Variants in MYT1L observed in about 807,000 individuals in gnomAD.
MYT1L encodes myelin transcription factor 1 like, also known as myelin transcription factor 1-like protein.
In MYT1L, 12 loss-of-function variants were observed where a neutral mutation model predicts 126.7. That is an observed-to-expected ratio of 0.09 (90% CI 0.06 to 0.15). The LOEUF (loss-of-function observed/expected upper bound fraction) is 0.15, where lower values mean the gene tolerates loss of function less well. MYT1L is among the 10% of genes least tolerant of loss of function. The pLI, the probability that MYT1L is intolerant of heterozygous loss-of-function variation, is 1.00. For missense variants in MYT1L, 979 were observed against 1,585.2 expected (o/e 0.62, Z 6.49); for synonymous variants, 541 against 604.2 (o/e 0.90, Z 1.53).
chr2:1,962,009 T>C (rs1222347599), intron 8 of MYT1L, among the ~76,000 whole-genome samples: 1 of 152,250 alleles, frequency 6.6e-6, no homozygotes, highest in Non-Finnish European at 1.5e-5. Flanking sequence ...ATATCCCAAG[T>C]ACACTGACTT....
intron 2 of MYT1L, among the ~76,000 whole-genome samples, chr2:2,272,689 C>T (rs1479884518): frequency 6.6e-6 from 1 of 152,208 alleles, no homozygotes; most frequent in Non-Finnish European, 1.5e-5. Context: ...AGATGAAAAG[C>T]AGGCGTCTTG....
chr2:1,977,947 A>C (rs561028217), intron 8 of MYT1L, among the ~76,000 whole-genome samples: 1 of 152,340 alleles, frequency 6.6e-6, no homozygotes, highest in Admixed American at 6.5e-5. Flanking sequence ...ATACAATAAC[A>C]ATCATAATGT....
At chr2:2,189,170 G>A (rs552029109) in intron 2 of MYT1L, among the ~76,000 whole-genome samples, 1 of 152,294 alleles carries the variant, frequency 6.6e-6, no homozygotes, top group African/African-American at 2.4e-5. Flanking sequence ...TGCGTTTGGG[G>A]CTTCCAAAAC....
chr2:2,140,432 C>CTTTTTTTTTTTTTTTTT (rs35297300), intron 3 of MYT1L, among the ~76,000 whole-genome samples: 1 of 112,972 alleles, frequency 8.9e-6, no homozygotes, highest in Non-Finnish European at 1.8e-5. Context: ...CTTTCTTTTT[C>CTTTTTTTTTTTTTTTTT]TTTTTTTTTT....
chr2:2,072,561 A>G (rs192517099), intron 3 of MYT1L, among the ~76,000 whole-genome samples: 74 of 152,272 alleles, frequency 4.9e-4, no homozygotes, highest in African/African-American at 1.8e-3. Context: ...TACAAATAAC[A>G]GTTTATTTCT....
rs1558530302 is a variant in MYT1L, at chr2:1,956,237, T to TATCTGTCTATC, written c.153-12904_153-12903insGATAGACAGAT. On this transcript the variant is annotated intron_variant, in intron 8 of 24. Coordinates refer to ENST00000647738, the MANE Select transcript of MYT1L (RefSeq NM_001303052.2). ...TCTATCTATCTATCTGTCTATCATC[T>TATCTGTCTATC]ATCTATCCTATTCTATATTTCCTAT... 7.8e-5 allele frequency among the ~76,000 whole-genome samples: 10 copies of TATCTGTCTATC among 128,918 alleles called. 1 individual carries two copies. The highest frequency in any genetic ancestry group is 2.4e-4 in the African/African-American group (9 of 36,968). 84.6% of individuals were successfully genotyped at this position (128,918 alleles called of 152,430 possible).
chr2:1,945,542 C>CCTG (rs2057132908), intron 8 of MYT1L, among the ~76,000 whole-genome samples: 2 of 152,270 alleles, frequency 1.3e-5, no homozygotes, highest in South Asian at 4.2e-4. Flanking sequence ...CTTGCATTGC[C>CCTG]CATGGCAGGT....
chr2:1,898,993 G>C (rs1236306163), intron 14 of MYT1L, among the ~76,000 whole-genome samples: 2 of 152,232 alleles, frequency 1.3e-5, no homozygotes, highest in Non-Finnish European at 2.9e-5. Context: ...CAAGATGATA[G>C]GAAGGTCTGA....
At chr2:1,981,941 C>T (rs2060643604) in intron 5 of MYT1L, among the ~76,000 whole-genome samples, 1 of 152,182 alleles carries the variant, frequency 6.6e-6, no homozygotes, top group Non-Finnish European at 1.5e-5. Context: ...AGAATCCACA[C>T]AACACAATGG....
chr2:1,791,749 G>T lies in MYT1L; in HGVS notation c.*118C>A. 1 of 1,030,408 alleles carries T rather than the reference G, an allele frequency of 9.7e-7. No homozygotes were observed. Among genetic ancestry groups the T allele is most frequent in the Non-Finnish European group, 1.4e-6 (1 of 726,382 alleles). The allele number at this position is 1,030,408 out of a possible 1,614,324, so 63.8% of individuals were successfully genotyped here. A position where few individuals can be genotyped will look rare whatever the true frequency, so the allele number is the denominator to read the frequency against. On this transcript the variant is annotated 3_prime_UTR_variant, in exon 25 of 25. Transcript: ENST00000647738. This position sits in a 1 kb window ranked among gnomAD's most constrained non-coding sequence, Gnocchi z 6.0. ...ATAAAATCATTATGAAGTCTTGTAA[G>T]CATAACACTGTTTCAAATTCAAACA...
chr2:2,126,010 G>A (rs2081638856), intron 3 of MYT1L, among the ~76,000 whole-genome samples: 1 of 152,210 alleles, frequency 6.6e-6, no homozygotes, highest in Non-Finnish European at 1.5e-5. Flanking sequence ...CCCAGATCAT[G>A]GTGGACACAA....
chr2:1,937,674 G>A (rs1215237119), intron 9 of MYT1L, among the ~76,000 whole-genome samples: 2 of 151,214 alleles, frequency 1.3e-5, no homozygotes, highest in East Asian at 3.9e-4. Flanking sequence ...ATCGCACATC[G>A]AGAAGGCCCT....
At chr2:1,829,942 T>G (rs1359603322) in intron 21 of MYT1L, among the ~76,000 whole-genome samples, 2 of 152,218 alleles carry the variant, frequency 1.3e-5, no homozygotes, top group Non-Finnish European at 2.9e-5. Context: ...AAATCTCCTC[T>G]TATAAAATGT....
intron 4 of MYT1L, among the ~76,000 whole-genome samples, chr2:2,027,086 C>T (rs115324873): frequency 6.6e-6 from 1 of 152,166 alleles, no homozygotes; most frequent in Non-Finnish European, 1.5e-5. Context: ...GAGAGATGAG[C>T]CGTGCACAGC....
chr2:2,142,754 T>G (rs1464353893), intron 3 of MYT1L, among the ~76,000 whole-genome samples: 1 of 151,968 alleles, frequency 6.6e-6, no homozygotes, highest in Non-Finnish European at 1.5e-5. Context: ...TGGCATGATC[T>G]CGGCTCACTG....
intron 18 of MYT1L, among the ~76,000 whole-genome samples, chr2:1,856,274 C>T (rs1439415980): frequency 1.3e-5 from 2 of 152,196 alleles, no homozygotes; most frequent in East Asian, 1.9e-4. Context: ...CTTTGTGCTC[C>T]TGGCCTTGTC....
At chr2:2,069,678 A>G (rs2074348609) in intron 3 of MYT1L, among the ~76,000 whole-genome samples, 1 of 151,552 alleles carries the variant, frequency 6.6e-6, no homozygotes, top group Admixed American at 6.6e-5. Flanking sequence ...ACTAATTTAC[A>G]CTCCCATCAA....
intron 3 of MYT1L, among the ~76,000 whole-genome samples, chr2:2,169,478 G>A (rs759427153): frequency 6.6e-6 from 1 of 152,110 alleles, no homozygotes; most frequent in Non-Finnish European, 1.5e-5. Context: ...TTTAAAGTCC[G>A]AGGCAAACAT....
intron 3 of MYT1L, among the ~76,000 whole-genome samples, chr2:2,063,012 G>A (rs1353360183): frequency 2.0e-5 from 3 of 152,124 alleles, no homozygotes; most frequent in Admixed American, 6.5e-5. Flanking sequence ...ATGGTCCTGC[G>A]GGAGCTGGAC....
Sources: gnomAD v4.1 joint callset for allele counts (sites outside exome capture counted in the v4.1 genomes callset) on GRCh38, gnomAD v4.1.1 for gene constraint, Gnocchi (gnomAD v3.1) non-coding constraint, MANE v1.5 for transcripts, NCBI Gene and HGNC (gene_info 2026-07-23, HGNC 2026-07-21) for gene names.